The following SLC66A2 variants were observed in gnomAD, a reference collection of about 807,000 sequenced individuals.
The protein encoded by SLC66A2 is solute carrier family 66 member 2, also known as PQ loop repeat containing 1.
A neutral mutation model predicts 25.5 loss-of-function variants in SLC66A2; 23 were observed. The observed-to-expected ratio is 0.90, with a 90% confidence interval of 0.65 to 1.28. SLC66A2 has a LOEUF of 1.28. Among genes scored for constraint, SLC66A2 ranks in the 50% most tolerant of loss-of-function variants. SLC66A2 has a pLI of 0.00. For synonymous variants in SLC66A2, 193 were observed against 166.5 expected (o/e 1.16, Z -1.23); for missense variants, 396 against 373.1 (o/e 1.06, Z -0.51).
rs930100779 is a variant in SLC66A2 at position 79,927,986 on chromosome 18, C to G, written c.391+5983G>C. On this transcript the variant is annotated intron_variant, in intron 4 of 5. Coordinates refer to ENST00000397778, the MANE Select transcript of SLC66A2 (RefSeq NM_025078.5). The surrounding 1 kb of genome is among the most constrained non-coding windows in gnomAD (Gnocchi z 6.2). ...TCTCATCTTCAGGAGCCTTTTCCCC[C>G]CTTTACCCTAACTGACATCTCCGGG... 6.6e-5 allele frequency among the ~76,000 whole-genome samples: 10 copies of G among 152,196 alleles called. No individual in the cohort carries two copies. The highest frequency in any genetic ancestry group is 2.2e-4 in the African/African-American group (9 of 41,454).
At chr18:79,912,372 G>A (rs892144835) in intron 5 of SLC66A2, among the ~76,000 whole-genome samples, 5 of 152,292 alleles carry the variant, frequency 3.3e-5, no homozygotes, top group Admixed American at 6.5e-5. Flanking sequence ...AAGAGCAAAC[G>A]TGGCAAATCT....
intron 4 of SLC66A2, among the ~76,000 whole-genome samples, chr18:79,926,513 A>T: frequency 6.6e-6 from 1 of 152,062 alleles, no homozygotes; most frequent in Admixed American, 6.6e-5. Context: ...GGACCCACAG[A>T]TCGCACACTC....
At chr18:79,931,342 A>G (rs1415755880) in intron 4 of SLC66A2, among the ~76,000 whole-genome samples, 2 of 152,242 alleles carry the variant, frequency 1.3e-5, no homozygotes, top group Non-Finnish European at 2.9e-5. Flanking sequence ...AAAGACATAA[A>G]AAAGTTAAAA....
rs1984266896 is a variant in SLC66A2 at position 79,917,008 on chromosome 18, A to T, written c.608+2176T>A. 1.3e-5 allele frequency among the ~76,000 whole-genome samples: 2 copies of T among 152,222 alleles called. No homozygotes were observed. Among genetic ancestry groups the T allele is most frequent in the Non-Finnish European group, 2.9e-5 (2 of 68,036 alleles). ...ACCGACTGCCTGCTCGGTGCTGGGG[A>T]GACGCCTGCACATGGAAGTGTGTGT... On this transcript the variant is annotated intron_variant, in intron 5 of 5. Transcript: ENST00000397778. This position sits in a 1 kb window ranked among gnomAD's most constrained non-coding sequence, Gnocchi z 6.0.
At chr18:79,943,822 G>A (rs1381275956) in intron 2 of SLC66A2, 9 of 185,670 alleles carry the variant, frequency 4.8e-5, no homozygotes, top group Admixed American at 2.6e-4. Context: ...CGCCCATGCC[G>A]CCTCTCCCAA....
rs2051093951 is a variant in SLC66A2, at chr18:79,950,809, T to C, written c.118A>G (p.Ile40Val). Residue 40 changes from isoleucine (I) to valine (V), a missense_variant, in exon 2 of 6, where the codon ATT becomes GTT. Transcript: ENST00000397778. ...VVPYVPQYRD[I>V]RRTQNADGFS... The stretch of plus-strand genomic sequence containing the variant: ...CCGTCGGCGTTCTGCGTCCTGCGAA[T>C]GTCCCGATACTGCGGGACGTAGGGC... The C allele has an allele frequency of 1.2e-6, 2 of 1,613,106 alleles. No individual in the cohort carries two copies. The highest frequency in any genetic ancestry group is 1.7e-6 in the Non-Finnish European group (2 of 1,179,978).
intron 5 of SLC66A2, among the ~76,000 whole-genome samples, chr18:79,911,244 G>A (rs911222992): frequency 6.6e-6 from 1 of 152,232 alleles, no homozygotes; most frequent in Non-Finnish European, 1.5e-5. Context: ...AGGGGCCAGT[G>A]GGGGCCTGGA....
rs1981608276 is a variant in SLC66A2, at chr18:79,903,935, T to G, written c.*41A>C. On this transcript the variant is annotated 3_prime_UTR_variant, in exon 6 of 6. Transcript: ENST00000397778. ...CCGCGGGGAGGTCAGGGCCCACCAGTGCCCGCGGCTGGCGGTCCCACATCC... is the reference window on the plus strand; with the variant it reads ...CCGCGGGGAGGTCAGGGCCCACCAGGGCCCGCGGCTGGCGGTCCCACATCC... 4.5e-6 allele frequency: 7 copies of G among 1,547,480 alleles called. No individual in the cohort carries two copies. In the African/African-American group the frequency reaches 6.9e-5, roughly 15 times the overall value.
chr18:79,934,837 A>G (rs1986918171), intron 3 of SLC66A2, among the ~76,000 whole-genome samples: 1 of 152,188 alleles, frequency 6.6e-6, no homozygotes, highest in African/African-American at 2.4e-5. Context: ...TTAAAATGGA[A>G]ATTTTGCAAG....
chr18:79,950,481 G>A (rs1306441381), intron 2 of SLC66A2, among the ~76,000 whole-genome samples: 1 of 152,238 alleles, frequency 6.6e-6, no homozygotes, highest in Admixed American at 6.5e-5. Flanking sequence ...GGAACATCAT[G>A]CAAGGAGGCG....
At chr18:79,909,715 A>AGACTTTTTCTAGTTCACT (rs1568292532) in intron 5 of SLC66A2, among the ~76,000 whole-genome samples, 12 of 105,902 alleles carry the variant, frequency 1.1e-4, no homozygotes, top group Admixed American at 1.8e-4. Flanking sequence ...CCATCTCACA[A>AGACTTTTTCTAGTTCACT]CAGAGTCCCC....
Position 79,931,880 on chromosome 18 carries a change from G to C in SLC66A2, c.391+2089C>G, listed in dbSNP as rs561007697. On this transcript the variant is annotated intron_variant, in intron 4 of 5. Transcript: ENST00000397778. ...AATACAAAAAAAATTGGCCAGGGAC[G>C]GTGGCACACACCTATAGTCCCAGCT... Among the ~76,000 whole-genome samples, 31 of 152,046 alleles carry C rather than the reference G, an allele frequency of 2.0e-4. 1 individual carries two copies. Among genetic ancestry groups the C allele is most frequent in the Admixed American group, 1.5e-3 (23 of 15,258 alleles).
intron 3 of SLC66A2, among the ~76,000 whole-genome samples, chr18:79,936,188 G>A (rs1407830837): frequency 6.6e-6 from 1 of 152,212 alleles, no homozygotes; most frequent in African/African-American, 2.4e-5. Context: ...GGGAGTGCAG[G>A]GGTGATAGTG....
intron 4 of SLC66A2, among the ~76,000 whole-genome samples, chr18:79,923,819 G>A (rs565143824): frequency 6.6e-5 from 10 of 152,264 alleles, no homozygotes; most frequent in Non-Finnish European, 1.2e-4. Context: ...AGGTTGAGGT[G>A]GGAGAATCAC....
intron 5 of SLC66A2, among the ~76,000 whole-genome samples, chr18:79,905,407 G>A (rs1224737587): frequency 2.0e-5 from 3 of 152,208 alleles, no homozygotes; most frequent in Non-Finnish European, 4.4e-5. Context: ...GGAAGGTGGT[G>A]CAGGCCCCTC....
intron 2 of SLC66A2, 42 bp from the exon 3 acceptor site, chr18:79,943,504 C>G: frequency 1.3e-6 from 2 of 1,597,532 alleles, no homozygotes; most frequent in Non-Finnish European, 8.5e-7. Flanking sequence ...TCCACCCATG[C>G]CACTTCTCCC....
At position 79,918,056 on chromosome 18, in the gene SLC66A2, C is replaced by T. The variant is rs1004849620; in HGVS notation, c.608+1128G>A. On this transcript the variant is annotated intron_variant, in intron 5 of 5. Transcript: ENST00000397778. The surrounding 1 kb of genome is among the most constrained non-coding windows in gnomAD (Gnocchi z 4.0). ...CCTGGCCTGCACCTACATCTCACCC[C>T]CTACCACCACCCCACACCTACGACA... Among the ~76,000 whole-genome samples, 1 of 152,018 alleles carries T rather than the reference C, an allele frequency of 6.6e-6. No homozygotes were observed. Among genetic ancestry groups the T allele is most frequent in the Non-Finnish European group, 1.5e-5 (1 of 67,974 alleles).
intron 4 of SLC66A2, among the ~76,000 whole-genome samples, chr18:79,930,960 TGTAGGA>T (rs1986513259): frequency 6.6e-6 from 1 of 152,210 alleles, no homozygotes; most frequent in Non-Finnish European, 1.5e-5. Flanking sequence ...AATCGAACCA[TGTAGGA>T]GTAAGGTTCC....
At chr18:79,930,826 T>G (rs2144862731) in intron 4 of SLC66A2, among the ~76,000 whole-genome samples, 1 of 152,308 alleles carries the variant, frequency 6.6e-6, no homozygotes, top group South Asian at 2.1e-4. Flanking sequence ...TCTCCTTTCT[T>G]TTCTCAAGTT....
Sources: gnomAD v4.1 joint callset for allele counts (sites outside exome capture counted in the v4.1 genomes callset) on GRCh38, gnomAD v4.1.1 for gene constraint, Gnocchi (gnomAD v3.1) non-coding constraint, MANE v1.5 for transcripts, NCBI Gene and HGNC (gene_info 2026-07-23, HGNC 2026-07-21) for gene names.